Variants in SAMMSON observed in about 807,000 individuals in gnomAD.
SAMMSON encodes the protein long intergenic non-protein coding RNA 1212.
At chr3:70,011,695 A>G (rs9310180) in intron 1 of SAMMSON, among the ~76,000 whole-genome samples, 84,415 of 151,278 alleles carry the variant, frequency 0.56, 25,371 homozygotes, top group African/African-American at 0.77. Context: ...CTCTGATACT[A>G]TAGCAAAGAA....
chr3:70,038,563 T>A (rs1042937052), intron 3 of SAMMSON, among the ~76,000 whole-genome samples: 1 of 152,170 alleles, frequency 6.6e-6, no homozygotes. Context: ...TATCTTAACA[T>A]AATTTATACA....
chr3:70,215,177 G>A (rs1273625491), intron 4 of SAMMSON, among the ~76,000 whole-genome samples: 1 of 152,036 alleles, frequency 6.6e-6, no homozygotes, highest in Non-Finnish European at 1.5e-5. Context: ...CAACAGTTTT[G>A]CAAAGTATTA....
intron 2 of SAMMSON, among the ~76,000 whole-genome samples, chr3:70,419,784 G>A (rs866034610): frequency 6.6e-6 from 1 of 152,076 alleles, no homozygotes; most frequent in African/African-American, 2.4e-5. Context: ...GACTACGGGT[G>A]CCTGCCACCA....
intron 6 of SAMMSON, among the ~76,000 whole-genome samples, chr3:70,259,768 A>G (rs1195013458): frequency 6.6e-6 from 1 of 152,218 alleles, no homozygotes; most frequent in African/African-American, 2.4e-5. Flanking sequence ...TCATACCGGT[A>G]TAAAAACTGA....
At chr3:70,260,480 C>T (rs192019968) in intron 6 of SAMMSON, among the ~76,000 whole-genome samples, 23 of 152,208 alleles carry the variant, frequency 1.5e-4, no homozygotes, top group Admixed American at 1.1e-3. Context: ...CAGTTCAACT[C>T]GTAACAGCCC....
At chr3:70,016,158 G>A (rs2066984142) in intron 3 of SAMMSON, among the ~76,000 whole-genome samples, 1 of 152,160 alleles carries the variant, frequency 6.6e-6, no homozygotes, top group Non-Finnish European at 1.5e-5. Context: ...CACAATGGAT[G>A]AACTAGTTTA....
At chr3:70,170,155 T>C (rs920277319) in intron 4 of SAMMSON, among the ~76,000 whole-genome samples, 4 of 151,888 alleles carry the variant, frequency 2.6e-5, no homozygotes, top group African/African-American at 9.7e-5. Flanking sequence ...TATAGTTAAA[T>C]CAATACCCAG....
At chr3:70,154,190 G>T (rs1288255000) in intron 4 of SAMMSON, among the ~76,000 whole-genome samples, 1 of 151,556 alleles carries the variant, frequency 6.6e-6, no homozygotes, top group Non-Finnish European at 1.5e-5. Context: ...ACAAATCACT[G>T]TCCCATATCT....
At chr3:70,216,930 C>T (rs1701417181) in intron 4 of SAMMSON, among the ~76,000 whole-genome samples, 1 of 152,118 alleles carries the variant, frequency 6.6e-6, no homozygotes, top group Non-Finnish European at 1.5e-5. Context: ...CCCCTCACCA[C>T]CAAAACCCAT....
intron 3 of SAMMSON, among the ~76,000 whole-genome samples, chr3:70,036,217 C>G (rs2067084586): frequency 6.6e-6 from 1 of 152,110 alleles, no homozygotes; most frequent in Admixed American, 6.6e-5. Flanking sequence ...TGCCTCTATT[C>G]TAAGGCAAAG....
chr3:70,192,002 A>T (rs1234435963), intron 4 of SAMMSON, among the ~76,000 whole-genome samples: 1 of 152,100 alleles, frequency 6.6e-6, no homozygotes, highest in Non-Finnish European at 1.5e-5. Flanking sequence ...CATCTGTAAA[A>T]TAAATTAATA....
chr3:70,355,115 G>C (rs1357246780), intron 8 of SAMMSON, among the ~76,000 whole-genome samples: 1 of 152,068 alleles, frequency 6.6e-6, no homozygotes, highest in East Asian at 1.9e-4. Context: ...CCTAACTCTC[G>C]GGTAGGAGAC....
intron 4 of SAMMSON, among the ~76,000 whole-genome samples, chr3:70,105,567 G>A (rs866256000): frequency 4.6e-5 from 7 of 152,268 alleles, no homozygotes; most frequent in Middle Eastern, 6.8e-3. Context: ...TGTGCAGGCT[G>A]ACTCCCATGT....
chr3:70,045,787 A>G (rs1419094617), intron 3 of SAMMSON, among the ~76,000 whole-genome samples: 4 of 152,218 alleles, frequency 2.6e-5, no homozygotes, highest in Admixed American at 2.6e-4. Flanking sequence ...GTGGGCTTTT[A>G]ATGCACATGT....
intron 6 of SAMMSON, among the ~76,000 whole-genome samples, chr3:70,264,876 G>C (rs1395457979): frequency 6.6e-6 from 1 of 152,066 alleles, no homozygotes; most frequent in African/African-American, 2.4e-5. Flanking sequence ...CCATAGACTG[G>C]GTAATTTATA....
At chr3:70,149,075 T>C (rs2067561258) in intron 4 of SAMMSON, among the ~76,000 whole-genome samples, 1 of 152,070 alleles carries the variant, frequency 6.6e-6, no homozygotes, top group South Asian at 2.1e-4. Context: ...ATTTTGGAGC[T>C]TGATCTATCA....
intron 4 of SAMMSON, among the ~76,000 whole-genome samples, chr3:70,146,462 C>T (rs1266340462): frequency 6.6e-6 from 1 of 151,892 alleles, no homozygotes; most frequent in African/African-American, 2.4e-5. Context: ...AATTAATACA[C>T]CATGACCAAG....
At chr3:70,104,718 G>T (rs2067360177) in intron 4 of SAMMSON, among the ~76,000 whole-genome samples, 1 of 152,144 alleles carries the variant, frequency 6.6e-6, no homozygotes, top group African/African-American at 2.4e-5. Flanking sequence ...ACAGAAACTT[G>T]CTTTTGTGGC....
chr3:70,358,694 A>G (rs1702847952), intron 9 of SAMMSON, among the ~76,000 whole-genome samples: 1 of 152,010 alleles, frequency 6.6e-6, no homozygotes, highest in African/African-American at 2.4e-5. Flanking sequence ...TTTTCTTGTG[A>G]AAACTGAAGC....
Sources: allele counts gnomAD v4.1 joint callset (sites outside exome capture counted in the v4.1 genomes callset), GRCh38; gene constraint gnomAD v4.1.1; transcripts MANE v1.5; gene names NCBI Gene and HGNC (gene_info 2026-07-23, HGNC 2026-07-21).